Variants in OTOGL observed in about 807,000 individuals in gnomAD.
OTOGL encodes the protein otogelin-like protein.
Under a neutral mutation model 318.5 loss-of-function variants are expected in OTOGL, and 285 were observed. The observed-to-expected ratio is 0.89, with a 90% CI of 0.81 to 0.99. The LOEUF (loss-of-function observed/expected upper bound fraction) is 0.99. Among genes scored for constraint, OTOGL ranks in the 50% least tolerant of loss-of-function variants. The pLI, the probability that OTOGL is intolerant of heterozygous loss-of-function variation, is 0.00. For missense variants in OTOGL, 2,899 were observed against 2,845.6 expected, an observed-to-expected ratio of 1.02 and a Z score of -0.43; for synonymous variants, 987 against 936.5, an observed-to-expected ratio of 1.05 and a Z score of -0.99.
intron 11 of OTOGL, among the ~76,000 whole-genome samples, chr12:80,250,631 C>T (rs962521961): frequency 4.6e-5 from 7 of 151,316 alleles, no homozygotes; most frequent in Admixed American, 6.6e-5. Context: ...GTCCTTTTTT[C>T]GTTCTAAAGT....
At chr12:80,333,335 G>C (rs1211333153) in intron 38 of OTOGL, among the ~76,000 whole-genome samples, 3 of 150,884 alleles carry the variant, frequency 2.0e-5, no homozygotes, top group Non-Finnish European at 4.4e-5. Flanking sequence ...GAGTTATCTA[G>C]TATGGATTTA....
At chr12:80,182,420 G>C (rs1874989039) in intron 1 of OTOGL, among the ~76,000 whole-genome samples, 1 of 152,124 alleles carries the variant, frequency 6.6e-6, no homozygotes, top group African/African-American at 2.4e-5. Flanking sequence ...ATACCAATTT[G>C]CATCACCATA....
chr12:80,195,651 C>T (rs947609292), intron 1 of OTOGL, among the ~76,000 whole-genome samples: 3 of 152,080 alleles, frequency 2.0e-5, no homozygotes, highest in Non-Finnish European at 2.9e-5. Flanking sequence ...TCTGTGGGGC[C>T]CACTCAAGTT....
chr12:80,160,671 G>A (rs1238016022), intron 1 of OTOGL, among the ~76,000 whole-genome samples: 1 of 152,130 alleles, frequency 6.6e-6, no homozygotes, highest in Non-Finnish European at 1.5e-5. Flanking sequence ...GAAAAACCGT[G>A]TGGAGATTCT....
At chr12:80,170,645 G>A (rs1187768153) in intron 1 of OTOGL, among the ~76,000 whole-genome samples, 1 of 152,086 alleles carries the variant, frequency 6.6e-6, no homozygotes, top group African/African-American at 2.4e-5. Flanking sequence ...TGTTGCCCAG[G>A]CTGGTCTTGA....
At chr12:80,138,832 C>A (rs972593178) in intron 1 of OTOGL, among the ~76,000 whole-genome samples, 1 of 152,082 alleles carries the variant, frequency 6.6e-6, no homozygotes, top group Admixed American at 6.5e-5. Flanking sequence ...ATCTTTAACA[C>A]TAAAATGTTT....
At position 80,203,149 on chromosome 12, in the gene OTOGL, A is replaced by G. The variant is rs187982965; in HGVS notation, c.-19-6264A>G. On this transcript the variant is annotated intron_variant, in intron 1 of 58. Transcript: ENST00000547103. The stretch of plus-strand genomic sequence containing the variant: ...ATTACCACAAATTTAATAGCTTAAA[A>G]CAATGGAAAATTATCTTATAGATCT... 7.5e-4 allele frequency among the ~76,000 whole-genome samples: 114 copies of G among 152,340 alleles called. 1 individual carries two copies. Among genetic ancestry groups the G allele is most frequent in the African/African-American group, 2.4e-3 (98 of 41,580 alleles).
chr12:80,134,559 T>C (rs1871431701), intron 1 of OTOGL, among the ~76,000 whole-genome samples: 1 of 152,196 alleles, frequency 6.6e-6, no homozygotes, highest in Admixed American at 6.5e-5. Flanking sequence ...TGTCTTCTAA[T>C]AAATATTGTT....
intron 1 of OTOGL, among the ~76,000 whole-genome samples, chr12:80,103,762 A>G (rs570569837): frequency 6.6e-6 from 1 of 152,256 alleles, no homozygotes; most frequent in African/African-American, 2.4e-5. Flanking sequence ...TACCGCTAGT[A>G]TTATTCTAAA....
In OTOGL at chr12:80,353,055, T is replaced by G. The variant is rs138145701; in HGVS notation, c.5408-270T>G. Among the ~76,000 whole-genome samples, 270 of 152,336 alleles carry G rather than the reference T, an allele frequency of 1.8e-3. 1 individual carries two copies. Among genetic ancestry groups the G allele is most frequent in the Middle Eastern group, 6.8e-3 (2 of 294 alleles). On this transcript the variant is annotated intron_variant, in intron 45 of 58. Coordinates refer to ENST00000547103, the MANE Select transcript of OTOGL (RefSeq NM_001378609.3). ...TGGGCTGCCTGTTGGTGATATTTAT[T>G]TGTTATACATCTGATAAGCGTTTCC... is the stretch of plus-strand genomic sequence containing the variant.
At chr12:80,152,748 G>A (rs1393612170) in intron 1 of OTOGL, among the ~76,000 whole-genome samples, 1 of 152,018 alleles carries the variant, frequency 6.6e-6, no homozygotes, top group African/African-American at 2.4e-5. Flanking sequence ...GAGTGCCGTG[G>A]CACAATCTCA....
Position 80,378,911 on chromosome 12 carries a change from A to T in OTOGL, c.*863A>T, listed in dbSNP as rs1181700957. 6.6e-6 allele frequency: 1 copy of T among 152,458 alleles called. No individual in the cohort carries two copies. The highest frequency in any genetic ancestry group is 1.5e-5 in the Non-Finnish European group (1 of 67,936). 9.4% of individuals were successfully genotyped at this position (152,458 alleles called of 1,614,324 possible). A position where few individuals can be genotyped will look rare whatever the true frequency, so the allele number is the denominator to read the frequency against. On this transcript the variant is annotated 3_prime_UTR_variant, in exon 59 of 59. Transcript: ENST00000547103. ...GATAGATCTTGAACTGTTATTTTTT[A>T]TATAATTAAAACTGCTATTAAATGT... is the stretch of plus-strand genomic sequence containing the variant.
chr12:80,190,558 C>T (rs553116166), intron 1 of OTOGL, among the ~76,000 whole-genome samples: 1 of 151,948 alleles, frequency 6.6e-6, no homozygotes. Context: ...GAGGCTGAGG[C>T]GGGTGGATCA....
intron 1 of OTOGL, among the ~76,000 whole-genome samples, chr12:80,108,894 GTA>G (rs576976573): frequency 3.1e-4 from 41 of 131,496 alleles, no homozygotes; most frequent in African/African-American, 4.6e-4. Context: ...ATATATATGT[GTA>G]TATATATGTG....
intron 1 of OTOGL, among the ~76,000 whole-genome samples, chr12:80,138,448 C>A (rs1163021158): frequency 6.6e-6 from 1 of 152,160 alleles, no homozygotes; most frequent in Non-Finnish European, 1.5e-5. Context: ...TATCACTCTT[C>A]TTCCTCTGTC....
At chr12:80,273,858 C>A (rs945414373) in intron 24 of OTOGL, among the ~76,000 whole-genome samples, 1 of 151,968 alleles carries the variant, frequency 6.6e-6, no homozygotes, top group Non-Finnish European at 1.5e-5. Flanking sequence ...AGAACTTTTT[C>A]ATTATCATTA....
chr12:80,207,613 T>G (rs1386306736), intron 1 of OTOGL, among the ~76,000 whole-genome samples: 1 of 152,174 alleles, frequency 6.6e-6, no homozygotes, highest in African/African-American at 2.4e-5. Context: ...GGTTAAGTTA[T>G]ATGGGAAACT....
chr12:80,222,271 C>A, intron 7 of OTOGL, 26 bp downstream of exon 7: 1 of 1,529,672 alleles, frequency 6.5e-7, no homozygotes, highest in Non-Finnish European at 8.8e-7. Context: ...ACATGATTAA[C>A]TTAAAAATAT....
At position 80,355,649 on chromosome 12, in the gene OTOGL, A is replaced by T. The variant is rs147550207; in HGVS notation, c.5594-87A>T. On this transcript the variant is annotated intron_variant, in intron 46 of 58. Transcript: ENST00000547103. ...TGACACATCATTATGTCACTGGGCC[A>T]TGTCACAGTCTGAAACCAAAACATG... The T allele has an allele frequency of 5.8e-4, 590 of 1,018,520 alleles. 5 individuals carry two copies. The East Asian group carries it at 0.015, about 26-fold the overall frequency. The allele number at this position is 1,018,520 out of a possible 1,614,324, so 63.1% of individuals were successfully genotyped here. A position where few individuals can be genotyped will look rare whatever the true frequency, so the allele number is the denominator to read the frequency against.
Sources: gnomAD v4.1 joint callset for allele counts (sites outside exome capture counted in the v4.1 genomes callset) on GRCh38, gnomAD v4.1.1 for gene constraint, MANE v1.5 for transcripts, NCBI Gene and HGNC (gene_info 2026-07-23, HGNC 2026-07-21) for gene names.